DNAH7: variants seen among roughly 807,000 people sequenced by gnomAD.
The protein encoded by DNAH7 is dynein axonemal heavy chain 7.
Under a neutral mutation model 444.6 loss-of-function variants are expected in DNAH7, and 397 were observed. That is an observed-to-expected ratio of 0.89 (90% confidence interval 0.82 to 0.97). The LOEUF (loss-of-function observed/expected upper bound fraction) is 0.97. Ranked by LOEUF, DNAH7 falls within the 50% of genes least tolerant of loss-of-function variation. DNAH7 has a pLI of 0.00. For synonymous variants in DNAH7, 1,636 were observed against 1,624.4 expected (o/e 1.01, Z -0.17); for missense variants, 4,902 against 4,800.8 (o/e 1.02, Z -0.62).
At chr2:196,029,245 G>A (rs1459493058) in intron 5 of DNAH7, among the ~76,000 whole-genome samples, 1 of 135,612 alleles carries the variant, frequency 7.4e-6, no homozygotes, top group Non-Finnish European at 1.5e-5. Context: ...TATGACCTCA[G>A]TAACTTTTGT....
chr2:195,910,971 GA>G (rs1211885777), intron 24 of DNAH7, among the ~76,000 whole-genome samples: 1 of 152,056 alleles, frequency 6.6e-6, no homozygotes, highest in African/African-American at 2.4e-5. Flanking sequence ...TTCTGAACCA[GA>G]AAAAAACTCT....
chr2:196,064,145 T>C (rs1181922767), intron 1 of DNAH7, among the ~76,000 whole-genome samples: 2 of 152,100 alleles, frequency 1.3e-5, no homozygotes, highest in African/African-American at 2.4e-5. Context: ...TGAAATCCCA[T>C]CTGTACCAAA....
At chr2:195,773,101 A>G (rs1044482970) in intron 60 of DNAH7, among the ~76,000 whole-genome samples, 5 of 152,140 alleles carry the variant, frequency 3.3e-5, no homozygotes, top group African/African-American at 1.2e-4. Context: ...TTTTAACACT[A>G]CTTACCACAT....
chr2:195,854,834 C>T (rs1004535105), intron 45 of DNAH7, among the ~76,000 whole-genome samples: 2 of 152,110 alleles, frequency 1.3e-5, no homozygotes, highest in African/African-American at 4.8e-5. Flanking sequence ...AACTGCATAA[C>T]CATTTGTTGG....
intron 8 of DNAH7, among the ~76,000 whole-genome samples, chr2:196,021,017 A>G (rs1457400626): frequency 6.6e-6 from 1 of 152,198 alleles, no homozygotes; most frequent in Non-Finnish European, 1.5e-5. Context: ...CCTAAATGTT[A>G]TTATTAGAGA....
chr2:195,833,810 T>C (rs1574518596), intron 48 of DNAH7, among the ~76,000 whole-genome samples: 1 of 152,016 alleles, frequency 6.6e-6, no homozygotes, highest in Admixed American at 6.6e-5. Context: ...GGCTGGAGTG[T>C]AGTGGCACTC....
At chr2:195,777,015 T>C (rs1695095318) in intron 59 of DNAH7, among the ~76,000 whole-genome samples, 1 of 152,236 alleles carries the variant, frequency 6.6e-6, no homozygotes, top group East Asian at 1.9e-4. Flanking sequence ...TGACCTAGGC[T>C]TTGGGAGTGA....
At chr2:196,043,923 T>C (rs73044636) in intron 5 of DNAH7, among the ~76,000 whole-genome samples, 4,228 of 152,050 alleles carry the variant, frequency 0.028, 194 homozygotes, top group African/African-American at 0.096. Flanking sequence ...GGCGTGGATG[T>C]GTTGAAAAGG....
At chr2:195,932,709 G>C (rs1263535620) in intron 21 of DNAH7, among the ~76,000 whole-genome samples, 1 of 152,108 alleles carries the variant, frequency 6.6e-6, no homozygotes, top group African/African-American at 2.4e-5. Flanking sequence ...CTGTTTATAT[G>C]CTGGATTACA....
intron 1 of DNAH7, among the ~76,000 whole-genome samples, chr2:196,061,887 T>C (rs1000522189): frequency 2.6e-5 from 4 of 152,192 alleles, no homozygotes; most frequent in Admixed American, 2.0e-4. Flanking sequence ...GAAGTTTGAG[T>C]TCCATCGTAC....
Position 195,881,750 on chromosome 2 carries a change from G to A in DNAH7, c.5961+45C>T, listed in dbSNP as rs2375543. The A allele has an allele frequency of 4.7e-5, 73 of 1,538,862 alleles. No homozygotes were observed. In the East Asian group the frequency reaches 1.5e-3, roughly 31 times the overall value. ...GTCTGCTATTTCAAAAACATTCTTA[G>A]GAAGATTATGCACAGTTTAATACGC... is the stretch of plus-strand genomic sequence containing the variant. On this transcript the variant is annotated intron_variant, in intron 36 of 64. Coordinates refer to ENST00000312428, the MANE Select transcript of DNAH7 (RefSeq NM_018897.3).
intron 10 of DNAH7, among the ~76,000 whole-genome samples, chr2:196,009,611 A>G (rs1434320090): frequency 6.6e-6 from 1 of 152,214 alleles, no homozygotes; most frequent in African/African-American, 2.4e-5. Flanking sequence ...CTGGGCAAAG[A>G]TGTGTTGAGG....
At chr2:195,981,600 T>C (rs1051553118) in intron 15 of DNAH7, among the ~76,000 whole-genome samples, 5 of 152,144 alleles carry the variant, frequency 3.3e-5, no homozygotes, top group African/African-American at 7.2e-5. Context: ...AGCATGGTGC[T>C]TGCAGAAAAA....
rs1252624282 is a variant in DNAH7 at position 195,793,728 on chromosome 2, CA to C, written c.10716+609del. Among the ~76,000 whole-genome samples the C allele has an allele frequency of 3.9e-5, 6 of 152,282 alleles. No homozygotes were observed. In the East Asian group the frequency reaches 9.6e-4, roughly 24 times the overall value. ...GACATCAAGCGTGTGAGCTTTTTAA[CA>C]GCAAAAACTTCCTAAAGTTCATAAC... On this transcript the variant is annotated intron_variant, in intron 57 of 64. Coordinates refer to ENST00000312428, the MANE Select transcript of DNAH7 (RefSeq NM_018897.3).
At chr2:195,888,755 A>T (rs1701848339) in intron 32 of DNAH7, 44 bp downstream of exon 32, 1 of 1,565,260 alleles carries the variant, frequency 6.4e-7, no homozygotes, top group Non-Finnish European at 8.6e-7. Flanking sequence ...ATGCATTTAT[A>T]ACATTTTATA....
chr2:195,870,721 C>T (rs1302367250), intron 40 of DNAH7, among the ~76,000 whole-genome samples: 3 of 152,158 alleles, frequency 2.0e-5, no homozygotes, highest in Admixed American at 6.5e-5. Flanking sequence ...CATTTGAGGA[C>T]ATGGTGAGAA....
chr2:195,872,233 A>G lies in DNAH7; in HGVS notation c.6633+17T>C, dbSNP rs990125677. ...TTGTTTCTCACATAATCCCATTTCA[A>G]TAACAGGAAAATTTACCTCATGAAC... On this transcript the variant is annotated intron_variant, in intron 40 of 64. Coordinates refer to ENST00000312428, the MANE Select transcript of DNAH7 (RefSeq NM_018897.3). 2.5e-6 allele frequency: 4 copies of G among 1,584,188 alleles called. No individual in the cohort carries two copies. The highest frequency in any genetic ancestry group is 3.4e-5 in the Admixed American group (2 of 59,012).
intron 19 of DNAH7, 115 bp downstream of exon 19, chr2:195,957,146 T>A: frequency 1.2e-6 from 1 of 842,036 alleles, no homozygotes; most frequent in Non-Finnish European, 1.7e-6. Context: ...AGACAATGTA[T>A]GTATGAAACA....
chr2:195,897,382 C>T (rs146392871), intron 29 of DNAH7, among the ~76,000 whole-genome samples: 6 of 152,208 alleles, frequency 3.9e-5, no homozygotes, highest in Admixed American at 1.3e-4. Context: ...TTTTTCTTTA[C>T]GGAGCCTGCA....
Sources: allele counts gnomAD v4.1 joint callset (sites outside exome capture counted in the v4.1 genomes callset), GRCh38; gene constraint gnomAD v4.1.1; transcripts MANE v1.5; gene names NCBI Gene and HGNC (gene_info 2026-07-23, HGNC 2026-07-21).